FGD3: variants seen among roughly 807,000 people sequenced by gnomAD.
FGD3 encodes the protein FYVE, RhoGEF and PH domain containing 3.
FGD3 carries 45 observed loss-of-function variants against 71.8 expected under a neutral mutation model. The ratio of observed to expected loss-of-function variants is 0.63; its 90% CI spans 0.49 to 0.80. FGD3 has a LOEUF of 0.80. Ranked by LOEUF, FGD3 falls within the 30% of genes least tolerant of loss-of-function variation. The pLI, the probability that FGD3 is intolerant of heterozygous loss-of-function variation, is 0.00. For missense variants in FGD3, 844 were observed against 951.5 expected, an observed-to-expected ratio of 0.89 and a Z score of 1.49; for synonymous variants, 378 against 392.8, an observed-to-expected ratio of 0.96 and a Z score of 0.44.
chr9:92,987,431 CAAA>C (rs56738468), intron 3 of FGD3, among the ~76,000 whole-genome samples: 9 of 122,448 alleles, frequency 7.4e-5, no homozygotes, highest in Admixed American at 8.2e-5. Context: ...GACTCTGTCT[CAAA>C]AAAAAAAAAA....
chr9:93,009,772 G>A (rs768618025), intron 6 of FGD3, among the ~76,000 whole-genome samples: 26 of 152,196 alleles, frequency 1.7e-4, no homozygotes, highest in South Asian at 4.1e-4. Flanking sequence ...CGTTTATATC[G>A]AGAGCGATCT....
At chr9:92,995,709 CT>C (rs1222270770) in intron 3 of FGD3, among the ~76,000 whole-genome samples, 1 of 152,100 alleles carries the variant, frequency 6.6e-6, no homozygotes, top group Non-Finnish European at 1.5e-5. Flanking sequence ...TGTTGAAGGC[CT>C]TTTCTGCATC....
chr9:92,951,971 G>A (rs1055756758), intron 1 of FGD3, among the ~76,000 whole-genome samples: 6 of 152,116 alleles, frequency 3.9e-5, no homozygotes, highest in Non-Finnish European at 8.8e-5. Context: ...AGTGGCAAAA[G>A]GGGCATCTGG....
intron 3 of FGD3, 115 bp downstream of exon 3, chr9:92,976,824 C>A: frequency 8.4e-7 from 1 of 1,186,824 alleles, no homozygotes; most frequent in Non-Finnish European, 1.2e-6. Flanking sequence ...GGCACACAGG[C>A]TCGTGCTGTG....
chr9:92,981,914 G>T (rs7847879), intron 3 of FGD3, among the ~76,000 whole-genome samples: 90,422 of 151,884 alleles, frequency 0.6, 27,114 homozygotes, highest in South Asian at 0.67. Context: ...TTGATACATA[G>T]AATATATAGT....
chr9:92,971,317 G>A (rs78272513), intron 1 of FGD3, among the ~76,000 whole-genome samples: 8,811 of 152,086 alleles, frequency 0.058, 342 homozygotes, highest in East Asian at 0.16. Flanking sequence ...CTTCCAAGAT[G>A]GGAGTGATTT....
At chr9:93,010,151 G>C in intron 6 of FGD3, 95 bp from the exon 7 acceptor site, 3 of 1,465,078 alleles carry the variant, frequency 2.0e-6, no homozygotes, top group Non-Finnish European at 2.8e-6. Context: ...AGCCAGTTCC[G>C]GGCAGCTTCC....
chr9:93,016,335 CTTTT>C (rs71511639), intron 10 of FGD3, among the ~76,000 whole-genome samples: 2 of 108,504 alleles, frequency 1.8e-5, no homozygotes, highest in East Asian at 2.7e-4. Context: ...GAATGACCTT[CTTTT>C]TTTTTTTTTT....
intron 6 of FGD3, among the ~76,000 whole-genome samples, chr9:93,009,776 G>A (rs1192655737): frequency 6.6e-6 from 1 of 152,214 alleles, no homozygotes; most frequent in Non-Finnish European, 1.5e-5. Flanking sequence ...TATATCGAGA[G>A]CGATCTGCAG....
At chr9:93,015,918 C>T (rs1861663649) in intron 10 of FGD3, 89 bp downstream of exon 10, 1 of 1,154,938 alleles carries the variant, frequency 8.7e-7, no homozygotes. Context: ...CTGAGGCACT[C>T]ACCTCTGTGC....
At chr9:92,974,850 G>C (rs952663688) in intron 1 of FGD3, 1 of 152,378 alleles carries the variant, frequency 6.6e-6, no homozygotes, top group African/African-American at 2.4e-5. Context: ...TGAGGTGTGG[G>C]CTAGGGAGGG....
chr9:92,981,143 C>T (rs1206884636), intron 3 of FGD3, among the ~76,000 whole-genome samples: 4 of 151,256 alleles, frequency 2.6e-5, no homozygotes, highest in South Asian at 2.1e-4. Context: ...CCGAGGCAGT[C>T]GGATCATGAG....
At chr9:92,991,812 C>CTTTTTT (rs1326885206) in intron 3 of FGD3, among the ~76,000 whole-genome samples, 1 of 152,026 alleles carries the variant, frequency 6.6e-6, no homozygotes, top group Non-Finnish European at 1.5e-5. Context: ...ATAATATTTG[C>CTTTTTT]TTTCTATATC....
chr9:93,004,017 T>C lies in FGD3; in HGVS notation c.560T>C (p.Leu187Pro). The C allele has an allele frequency of 6.2e-7, 1 of 1,614,224 alleles. No homozygotes were observed. The highest frequency in any genetic ancestry group is 8.5e-7 in the Non-Finnish European group (1 of 1,180,046). ...TATGCTCAGGTTTTCTGCACCAGGC[T>C]GACGGATGCGGGGATCCCTCCAGAA... is the stretch of plus-strand genomic sequence containing the variant. ...HLLDQVFCTR[L>P]TDAGIPPEVI... is the part of the protein sequence containing the mutation. The change falls in exon 5 of 18, where the codon CTG becomes CCG. Residue 187 changes from leucine (L) to proline (P), a missense_variant. Physicochemically the swap from Leu to Pro is moderately conservative, Grantham distance 98. Coordinates refer to ENST00000375482, the MANE Select transcript of FGD3 (RefSeq NM_001083536.2).
chr9:93,031,434 C>T (rs140821230), intron 15 of FGD3, among the ~76,000 whole-genome samples: 154 of 152,316 alleles, frequency 1.0e-3, no homozygotes, highest in African/African-American at 3.4e-3. Context: ...AGAGGTGGCT[C>T]GGTGCCCTCA....
rs138749628 is a variant in FGD3 at position 92,980,699 on chromosome 9, C to T, written c.453+3990C>T. ...AAGAATGTGTTGTTTAGGCCAGGTG[C>T]GGTGGCTCACTCCTGTAATTCCAGC... is the stretch of plus-strand genomic sequence containing the variant. On this transcript the variant is annotated intron_variant, in intron 3 of 17. Transcript: ENST00000375482. 3.6e-3 allele frequency among the ~76,000 whole-genome samples: 552 copies of T among 151,838 alleles called. 2 individuals are homozygous for T. The highest frequency in any genetic ancestry group is 6.8e-3 in the Middle Eastern group (2 of 292).
intron 14 of FGD3, among the ~76,000 whole-genome samples, chr9:93,025,371 C>T (rs955346568): frequency 2.0e-5 from 3 of 152,210 alleles, no homozygotes; most frequent in African/African-American, 7.2e-5. Flanking sequence ...GTGGCCTGGC[C>T]TGGCCCTGTG....
chr9:93,006,317 T>G, intron 6 of FGD3, 137 bp downstream of exon 6: 1 of 947,442 alleles, frequency 1.1e-6, no homozygotes. Context: ...TTTTGGAACA[T>G]AGAGAAAATT....
intron 12 of FGD3, 124 bp from the exon 13 acceptor site, chr9:93,020,179 AGGGAGATGGCCAGT>A (rs1861857960): frequency 1.3e-6 from 1 of 750,054 alleles, no homozygotes; most frequent in Non-Finnish European, 2.1e-6. Context: ...GTAGGGGGGA[AGGGAGATGGCCAGT>A]GGCCTGGGCA....
Sources: allele counts gnomAD v4.1 joint callset (sites outside exome capture counted in the v4.1 genomes callset), GRCh38; gene constraint gnomAD v4.1.1; transcripts MANE v1.5; gene names NCBI Gene and HGNC (gene_info 2026-07-23, HGNC 2026-07-21).